The following PLEKHG2 variants were observed in gnomAD, a reference collection of about 807,000 sequenced individuals.
PLEKHG2 encodes the protein pleckstrin homology domain-containing family G member 2.
Under a neutral mutation model 104.4 loss-of-function variants are expected in PLEKHG2, and 71 were observed. That is an observed-to-expected ratio of 0.68 (90% CI 0.56 to 0.83). The LOEUF is 0.83. PLEKHG2 is among the 40% of genes least tolerant of loss of function. PLEKHG2 has a pLI of 0.00. For synonymous variants in PLEKHG2, 728 were observed against 737.0 expected (o/e 0.99, Z 0.20); for missense variants, 1,730 against 1,809.4 (o/e 0.96, Z 0.80).
intron 2 of PLEKHG2, among the ~76,000 whole-genome samples, chr19:39,414,490 G>C (rs1299857644): frequency 6.6e-6 from 1 of 152,206 alleles, no homozygotes; most frequent in Admixed American, 6.5e-5. Context: ...CAAAGACAAG[G>C]AAGAGTATTC....
chr19:39,415,204 C>G lies in PLEKHG2; in HGVS notation c.322C>G (p.Arg108Gly). The change falls in exon 3 of 19, where the codon CGG (arginine) becomes GGG (glycine). Residue 108 changes from arginine to glycine, a missense_variant. By Grantham distance (125) the Arg-to-Gly change is moderately radical. Coordinates refer to ENST00000425673, the MANE Select transcript of PLEKHG2 (RefSeq NM_022835.3). The surrounding 1 kb of genome is among the most constrained non-coding windows in gnomAD (Gnocchi z 4.6). ...ARPSRLERVAREIVETERAYV... is the reference protein window; with the variant it reads ...ARPSRLERVAGEIVETERAYV... ...ACCCTCAAGGCTGGAGCGTGTGGCC[C>G]GGGAGATCGTGGAGACAGAACGGGC... 1 of 1,585,216 alleles carries G rather than the reference C, an allele frequency of 6.3e-7. No homozygotes were observed. Among genetic ancestry groups the G allele is most frequent in the Non-Finnish European group, 8.6e-7 (1 of 1,164,990 alleles).
chr19:39,423,503 G>A lies in PLEKHG2; in HGVS notation c.2449G>A (p.Val817Met). 6.3e-7 allele frequency: 1 copy of A among 1,581,400 alleles called. No homozygotes were observed. The highest frequency in any genetic ancestry group is 8.6e-7 in the Non-Finnish European group (1 of 1,162,004). Reference sequence around the variant, plus strand: ...GAGTTCAGAAAGGACGGCGTCCCGAGTGCGAGAGCTGGCCCGGCTTTACAG... The same window carrying A: ...GAGTTCAGAAAGGACGGCGTCCCGAATGCGAGAGCTGGCCCGGCTTTACAG... ...APSSERTASR[V>M]RELARLYSER... is the part of the protein sequence containing the mutation. Residue 817 changes from valine (V) to methionine (M), a missense_variant, in exon 18 of 19, where the codon GTG (valine) becomes ATG (methionine). Coordinates refer to ENST00000425673, the MANE Select transcript of PLEKHG2 (RefSeq NM_022835.3).
In PLEKHG2 at chr19:39,421,014, A is replaced by G; in HGVS notation, c.1447+18A>G. ...GCAGTCTGGTGAGCACTCACCCCTA[A>G]GGGTGATCCAGGCATCGGGGTGGGA... On this transcript the variant is annotated intron_variant, in intron 14 of 18. Transcript: ENST00000425673. 1 of 1,614,010 alleles carries G rather than the reference A, an allele frequency of 6.2e-7. No homozygotes were observed. The highest frequency in any genetic ancestry group is 8.5e-7 in the Non-Finnish European group (1 of 1,179,974).
chr19:39,420,019 C>T (rs1344904510), intron 11 of PLEKHG2, among the ~76,000 whole-genome samples: 1 of 152,116 alleles, frequency 6.6e-6, no homozygotes, highest in Non-Finnish European at 1.5e-5. Flanking sequence ...TGCCATTGCA[C>T]TCCAGCCTGG....
In PLEKHG2 at chr19:39,424,497, C is replaced by T. The variant is rs2078752376; in HGVS notation, c.3364C>T (p.Arg1122Trp). The change falls in exon 19 of 19, where the codon CGG (arginine) becomes TGG (tryptophan). Residue 1122 changes from arginine (R) to tryptophan (W), a missense_variant. By Grantham distance (101) the Arg-to-Trp change is moderately radical. Transcript: ENST00000425673. ...LPAHGSHLDH[R>W]IPANAPLSLS... ...TGCACATGGAAGCCACCTGGACCAT[C>T]GGATCCCAGCCAACGCCCCACTGTC... The T allele has an allele frequency of 3.1e-6, 5 of 1,614,022 alleles. No homozygotes were observed. Among genetic ancestry groups the T allele is most frequent in the South Asian group, 1.1e-5 (1 of 91,078 alleles).
rs900220403 is a variant in PLEKHG2 at position 39,425,542 on chromosome 19, G to A, written c.*248G>A. The stretch of plus-strand genomic sequence containing the variant: ...TGATGTGTATTTTCCCATTCTGGAG[G>A]CTGTGGGAGATGACAAGACAATGAA... On this transcript the variant is annotated 3_prime_UTR_variant, in exon 19 of 19. Coordinates refer to ENST00000425673, the MANE Select transcript of PLEKHG2 (RefSeq NM_022835.3). The A allele has an allele frequency of 1.7e-6, 1 of 571,618 alleles. No homozygotes were observed. The highest frequency in any genetic ancestry group is 2.0e-5 in the African/African-American group (1 of 51,260). 35.4% of individuals were successfully genotyped at this position (571,618 alleles called of 1,614,324 possible).
Position 39,418,749 on chromosome 19 carries a change from G to A in PLEKHG2, c.1099G>A (p.Val367Met), listed in dbSNP as rs1437237898. 6.8e-6 allele frequency: 11 copies of A among 1,612,712 alleles called. No homozygotes were observed. Among genetic ancestry groups the A allele is most frequent in the Non-Finnish European group, 7.6e-6 (9 of 1,179,144 alleles). Residue 367 changes from valine (V) to methionine (M), a missense_variant, in exon 10 of 19, where the codon GTG becomes ATG. Coordinates refer to ENST00000425673, the MANE Select transcript of PLEKHG2 (RefSeq NM_022835.3). ...TTCCTTCCAGTGCTGCAACCTGAGC[G>A]TGAGCGAGAGTCCCCGAGACCCTCT... ...KGHIFCCNLSVSESPRDPLGF... is the reference protein window; with the variant it reads ...KGHIFCCNLSMSESPRDPLGF...
Position 39,415,650 on chromosome 19 carries a change from G to A in PLEKHG2, c.479+211G>A, listed in dbSNP as rs1428749023. ...ACCCCGAGTGAGGGAGGGGCATAGCGGATGGGAGGACCCCGAGTGAGGGAG... is the reference window on the plus strand; with the variant it reads ...ACCCCGAGTGAGGGAGGGGCATAGCAGATGGGAGGACCCCGAGTGAGGGAG... On this transcript the variant is annotated intron_variant, in intron 4 of 18. Transcript: ENST00000425673. The surrounding 1 kb of genome is among the most constrained non-coding windows in gnomAD (Gnocchi z 4.6). Among the ~76,000 whole-genome samples, 3 of 151,866 alleles carry A rather than the reference G, an allele frequency of 2.0e-5. No individual in the cohort carries two copies. Among genetic ancestry groups the A allele is most frequent in the African/African-American group, 4.8e-5 (2 of 41,306 alleles).
At position 39,423,855 on chromosome 19, in the gene PLEKHG2, C is replaced by T; in HGVS notation, c.2722C>T (p.Gln908Ter). ...TCAAGCTGCCATACCTTTGTCAAAG[C>T]AGGGAGGCAGCCCGGATGGCCAGGG... ...WVQAAIPLSK[Q>*]GGSPDGQGLH... The change falls in exon 19 of 19, where the codon CAG (glutamine) becomes TAG (stop). Residue 908 changes from glutamine to a stop codon, truncating the protein, a stop_gained. Coordinates refer to ENST00000425673, the MANE Select transcript of PLEKHG2 (RefSeq NM_022835.3). LOFTEE classifies it low-confidence loss of function (END_TRUNC). The T allele has an allele frequency of 6.2e-7, 1 of 1,614,200 alleles. No individual in the cohort carries two copies. Among genetic ancestry groups the T allele is most frequent in the South Asian group, 1.1e-5 (1 of 91,082 alleles).
chr19:39,414,315 G>A (rs1465063535), intron 2 of PLEKHG2, 120 bp downstream of exon 2: 1 of 1,061,252 alleles, frequency 9.4e-7, no homozygotes, highest in Non-Finnish European at 1.4e-6. Flanking sequence ...GTCTGGTGGG[G>A]AAGGCGGGCC....
chr19:39,420,040 C>T (rs907789232), intron 11 of PLEKHG2, among the ~76,000 whole-genome samples: 3 of 151,720 alleles, frequency 2.0e-5, no homozygotes, highest in Non-Finnish European at 4.4e-5. Context: ...GCAAGAAGAG[C>T]GAAACTCCGT....
intron 2 of PLEKHG2, 140 bp downstream of exon 2, chr19:39,414,335 G>A: frequency 1.2e-6 from 1 of 827,878 alleles, no homozygotes; most frequent in Non-Finnish European, 1.9e-6. Flanking sequence ...CCATCCCCAG[G>A]CAATGACAGG....
In PLEKHG2 at chr19:39,415,169, G is replaced by C. The variant is rs2078582321; in HGVS notation, c.287G>C (p.Gly96Ala). 6.3e-7 allele frequency: 1 copy of C among 1,596,684 alleles called. No homozygotes were observed. Among genetic ancestry groups the C allele is most frequent in the Admixed American group, 1.7e-5 (1 of 57,812 alleles). Residue 96 changes from glycine (G) to alanine (A), a missense_variant, in exon 3 of 19, where the codon GGT becomes GCT. By Grantham distance (60) the Gly-to-Ala change is moderately conservative. Transcript: ENST00000425673. The surrounding 1 kb of genome is among the most constrained non-coding windows in gnomAD (Gnocchi z 4.6). ...RLHLSPVGIP[G>A]SARPSRLERV... is the part of the protein sequence containing the mutation. ...CATCTCTCTCCGGTGGGGATCCCAG[G>C]TTCAGCCAGACCCTCAAGGCTGGAG...
At position 39,425,170 on chromosome 19, in the gene PLEKHG2, G is replaced by C; in HGVS notation, c.4037G>C (p.Gly1346Ala). Reference sequence around the variant, plus strand: ...ACGGTTAACATCCACGTGGGCGGGGGTGGGCGGCTGCGGCCAGCCAAGGCC... The same window carrying C: ...ACGGTTAACATCCACGTGGGCGGGGCTGGGCGGCTGCGGCCAGCCAAGGCC... The part of the protein sequence containing the change: ...ATTVNIHVGG[G>A]GRLRPAKAQV... Residue 1346 changes from glycine to alanine, a missense_variant, in exon 19 of 19, where the codon GGT becomes GCT. Physicochemically the swap from Gly to Ala is moderately conservative, Grantham distance 60. Coordinates refer to ENST00000425673, the MANE Select transcript of PLEKHG2 (RefSeq NM_022835.3). 1 of 1,602,062 alleles carries C rather than the reference G, an allele frequency of 6.2e-7. No individual in the cohort carries two copies. The highest frequency in any genetic ancestry group is 8.5e-7 in the Non-Finnish European group (1 of 1,175,888).
In PLEKHG2 at chr19:39,422,259, C is replaced by T; in HGVS notation, c.1648C>T (p.Leu550=). ...TSITEEILEL[L]NQRGLRDPGP... Reference sequence around the variant, plus strand: ...AATCACTGAAGAAATCCTGGAACTGCTGAATCAGCGAGGCCTTCGAGATCC... The same window carrying T: ...AATCACTGAAGAAATCCTGGAACTGTTGAATCAGCGAGGCCTTCGAGATCC... Residue 550 remains leucine, a synonymous_variant, in exon 17 of 19, where the codon CTG becomes TTG. Transcript: ENST00000425673. The T allele has an allele frequency of 1.9e-6, 3 of 1,613,270 alleles. No homozygotes were observed. Among genetic ancestry groups the T allele is most frequent in the Non-Finnish European group, 2.5e-6 (3 of 1,179,608 alleles).
Position 39,424,768 on chromosome 19 carries a change from C to T in PLEKHG2, c.3635C>T (p.Thr1212Ile). 1.2e-6 allele frequency: 2 copies of T among 1,614,236 alleles called. No homozygotes were observed. The highest frequency in any genetic ancestry group is 1.7e-6 in the Non-Finnish European group (2 of 1,180,060). Residue 1212 changes from threonine to isoleucine, a missense_variant, in exon 19 of 19, where the codon ACA becomes ATA. Coordinates refer to ENST00000425673, the MANE Select transcript of PLEKHG2 (RefSeq NM_022835.3). The stretch of plus-strand genomic sequence containing the variant: ...ATAGATGCCCATGTTCCAGCTGCCA[C>T]ACCTTTACCTGAGAGAGGAGGCTCT... Reference protein sequence around the residue: ...SLIDAHVPAATPLPERGGSLD... With the variant: ...SLIDAHVPAAIPLPERGGSLD...
rs1169721966 is a variant in PLEKHG2, at chr19:39,414,154, G to A, written c.68G>A (p.Gly23Asp). The A allele has an allele frequency of 6.4e-7, 1 of 1,551,516 alleles. No individual in the cohort carries two copies. The highest frequency in any genetic ancestry group is 1.2e-5 in the South Asian group (1 of 84,060). The stretch of plus-strand genomic sequence containing the variant: ...CCAAGCCTCGGGTGTGGCCGAAGAG[G>A]TGAAGTGTGTGACTGTGGCACCGTG... ...PSPSLGCGRR[G>D]EVCDCGTVCE... The change falls in exon 2 of 19, where the codon GGT becomes GAT. Residue 23 changes from glycine to aspartate, a missense_variant. Transcript: ENST00000425673.
In PLEKHG2 at chr19:39,424,042, C is replaced by A; in HGVS notation, c.2909C>A (p.Thr970Lys). Reference sequence around the variant, plus strand: ...CTGCACCTCCAGGTGCCGGCTCTTACAACTTTCTCTGATCAAGGCCACCCA... The same window carrying A: ...CTGCACCTCCAGGTGCCGGCTCTTAAAACTTTCTCTGATCAAGGCCACCCA... ...GPLHLQVPAL[T>K]TFSDQGHPEI... Residue 970 changes from threonine (T) to lysine (K), a missense_variant, in exon 19 of 19, where the codon ACA becomes AAA. Thr to Lys is a moderately conservative substitution (Grantham distance 78). Transcript: ENST00000425673. The A allele has an allele frequency of 1.2e-6, 2 of 1,614,020 alleles. No individual in the cohort carries two copies. The highest frequency in any genetic ancestry group is 4.5e-5 in the East Asian group (2 of 44,872).
chr19:39,414,550 C>T (rs2078570989), intron 2 of PLEKHG2, among the ~76,000 whole-genome samples: 1 of 152,180 alleles, frequency 6.6e-6, no homozygotes. Flanking sequence ...GAAAAGGCTG[C>T]ATGTAAGTGA....
Sources: allele counts gnomAD v4.1 joint callset (sites outside exome capture counted in the v4.1 genomes callset), GRCh38; gene constraint gnomAD v4.1.1; non-coding constraint Gnocchi (gnomAD v3.1); transcripts MANE v1.5; gene names NCBI Gene and HGNC (gene_info 2026-07-23, HGNC 2026-07-21).